TREM1: variants seen among roughly 807,000 people sequenced by gnomAD.
TREM1 encodes the protein triggering receptor expressed on monocytes 1.
TREM1 carries 16 observed loss-of-function variants against 22.4 expected under a neutral mutation model. The observed-to-expected ratio is 0.71, with a 90% CI of 0.48 to 1.08. The LOEUF is 1.08. Ranked by LOEUF, TREM1 falls within the 50% of genes least tolerant of loss-of-function variation. The probability of loss-of-function intolerance (pLI) is 0.00; values close to 1 mark genes in which losing one functional copy is unlikely to be tolerated. For missense variants in TREM1, 283 were observed against 282.9 expected (o/e 1.00, Z 0.00); for synonymous variants, 110 against 111.6 (o/e 0.99, Z 0.09).
chr6:41,284,424 C>T (rs180759964), intron 1 of TREM1, among the ~76,000 whole-genome samples: 1 of 152,130 alleles, frequency 6.6e-6, no homozygotes, highest in African/African-American at 2.4e-5. Context: ...ATTGGGGATG[C>T]TCATCTGGCC....
At position 41,281,116 on chromosome 6, in the gene TREM1, G is replaced by A. The variant is rs1474911461; in HGVS notation, c.444C>T (p.Thr148=). 6.2e-7 allele frequency: 1 copy of A among 1,614,112 alleles called. No homozygotes were observed. Among genetic ancestry groups the A allele is most frequent in the Non-Finnish European group, 8.5e-7 (1 of 1,179,990 alleles). Residue 148 remains threonine (T), a synonymous_variant, in exon 3 of 4, where the codon ACC becomes ACT. Transcript: ENST00000244709. Reference sequence around the variant, plus strand: ...TAGGAGGAATCTTATACACATTCTGGGTAGAATTCTCATTGGAGCCAGGGG... The same window carrying A: ...TAGGAGGAATCTTATACACATTCTGAGTAGAATTCTCATTGGAGCCAGGGG... ...SGTPGSNENS[T]QNVYKIPPTT... is the part of the protein sequence containing the mutation.
chr6:41,286,607 C>G lies in TREM1; in HGVS notation c.49G>C (p.Glu17Gln). The change falls in exon 1 of 4, where the codon GAA (glutamate) becomes CAA (glutamine). Residue 17 changes from glutamate (E) to glutamine (Q), a missense_variant and splice_region_variant. Transcript: ENST00000244709. ...WGLLWMLFVSELRAATKLTEE... is the reference protein window; with the variant it reads ...WGLLWMLFVSQLRAATKLTEE... ...TGCTCAGTCCTCTTCCTTGTCTTACCTGAGACAAAGAGCATCCACAGCAGC... is the reference window on the plus strand; with the variant it reads ...TGCTCAGTCCTCTTCCTTGTCTTACGTGAGACAAAGAGCATCCACAGCAGC... The G allele has an allele frequency of 6.2e-7, 1 of 1,614,024 alleles. No homozygotes were observed. The highest frequency in any genetic ancestry group is 1.3e-5 in the African/African-American group (1 of 75,032).
chr6:41,281,420 A>G, intron 2 of TREM1: 1 of 447,014 alleles, frequency 2.2e-6, no homozygotes, highest in Non-Finnish European at 4.0e-6. Flanking sequence ...AGTGAGGGAG[A>G]GCAGAAAGAG....
rs374759796 is a variant in TREM1, at chr6:41,282,620, C to T, written c.181G>A (p.Gly61Arg). Residue 61 changes from glycine (G) to arginine (R), a missense_variant, in exon 2 of 4, where the codon GGA (glycine) becomes AGA (arginine). Gly to Arg is a moderately radical substitution (Grantham distance 125). Transcript: ENST00000244709. The stretch of plus-strand genomic sequence containing the variant: ...CATGCCAGGGTCTTGGGCATCTCTC[C>T]GTCCCTTATTATCTGCCAAGCTTTC... ...SQKAWQIIRD[G>R]EMPKTLACTE... 70 of 1,614,052 alleles carry T rather than the reference C, an allele frequency of 4.3e-5. No homozygotes were observed. Among genetic ancestry groups the T allele is most frequent in the African/African-American group, 2.8e-4 (21 of 74,910 alleles).
At chr6:41,276,910 G>A (rs545091499) in intron 3 of TREM1, among the ~76,000 whole-genome samples, 1 of 152,254 alleles carries the variant, frequency 6.6e-6, no homozygotes, top group South Asian at 2.1e-4. Context: ...GCCGGACGTG[G>A]TAGCATGCAC....
Position 41,274,270 on chromosome 6 carries a change from T to C in TREM1, c.*1855A>G, listed in dbSNP as rs1342581572. ...GAGGGAGCTGTATACTAGTATACAG[T>C]AGGTCTGCAGGGGCCCTGGACTCAT... On this transcript the variant is annotated 3_prime_UTR_variant, in exon 4 of 4. Transcript: ENST00000244709. Among the ~76,000 whole-genome samples the C allele has an allele frequency of 6.6e-6, 1 of 152,104 alleles. No homozygotes were observed. The highest frequency in any genetic ancestry group is 1.5e-5 in the Non-Finnish European group (1 of 68,018).
downstream of TREM1, among the ~76,000 whole-genome samples, chr6:41,273,327 C>A (rs1767541216): frequency 6.6e-6 from 1 of 152,144 alleles, no homozygotes; most frequent in African/African-American, 2.4e-5. Flanking sequence ...TTACTGATAT[C>A]CCCCTAGAAT....
chr6:41,280,130 G>A (rs1171590046), intron 3 of TREM1: 1 of 932,912 alleles, frequency 1.1e-6, no homozygotes, highest in Non-Finnish European at 1.3e-6. Context: ...ATTAAAATAT[G>A]TATAAACATG....
rs147689646 is a variant in TREM1 at position 41,283,135 on chromosome 6, A to G, written c.50-384T>C. Among the ~76,000 whole-genome samples the G allele has an allele frequency of 1.7e-3, 261 of 152,310 alleles. 1 individual carries two copies. The highest frequency in any genetic ancestry group is 2.8e-3 in the Non-Finnish European group (189 of 68,030). On this transcript the variant is annotated intron_variant, in intron 1 of 3. Transcript: ENST00000244709. ...CAAGGGCGTATGACATAAAAAGTGA[A>G]CGCAAAGACACGGTGCTAGCAGAGA...
chr6:41,285,528 T>G (rs1003684990), intron 1 of TREM1, among the ~76,000 whole-genome samples: 4 of 152,328 alleles, frequency 2.6e-5, no homozygotes, highest in South Asian at 2.1e-4. Flanking sequence ...CAACACAGTC[T>G]GATAGGGATT....
At chr6:41,280,811 C>A in intron 3 of TREM1, 150 bp downstream of exon 3, 1 of 1,491,956 alleles carries the variant, frequency 6.7e-7, no homozygotes, top group South Asian at 1.4e-5. Context: ...TTCCTTCTTC[C>A]CCTGGACATT....
At position 41,280,961 on chromosome 6, in the gene TREM1, CTGA is replaced by C; in HGVS notation, c.596_598del (p.Ile199del). 1 of 1,614,210 alleles carries C rather than the reference CTGA, an allele frequency of 6.2e-7. No individual in the cohort carries two copies. Among genetic ancestry groups the C allele is most frequent in the Non-Finnish European group, 8.5e-7 (1 of 1,180,044 alleles). ...GGGCCCAGGGACCTGGAAACTATAC[CTGA>C]TGATATCTGTCACATTTGTAAGGTT... On this transcript the variant is annotated inframe_deletion and splice_region_variant, in exon 3 of 4. Transcript: ENST00000244709.
chr6:41,280,982 G>A lies in TREM1; in HGVS notation c.578C>T (p.Thr193Ile), dbSNP rs759828743. Residue 193 changes from threonine to isoleucine, a missense_variant, in exon 3 of 4, where the codon ACA becomes ATA. Physicochemically the swap from Thr to Ile is moderately conservative, Grantham distance 89. Transcript: ENST00000244709. ...VSTPDSEINLTNVTDIIRVPV... is the reference protein window; with the variant it reads ...VSTPDSEINLINVTDIIRVPV... The stretch of plus-strand genomic sequence containing the variant: ...ATACCTGATGATATCTGTCACATTT[G>A]TAAGGTTGATTTCAGAGTCAGGAGT... 6.2e-7 allele frequency: 1 copy of A among 1,614,226 alleles called. No homozygotes were observed. The highest frequency in any genetic ancestry group is 8.5e-7 in the Non-Finnish European group (1 of 1,180,040).
At chr6:41,280,378 A>G in intron 3 of TREM1, 1 of 988,482 alleles carries the variant, frequency 1.0e-6, no homozygotes. Context: ...ATCTGCAAAA[A>G]TTCTGATTCT....
chr6:41,282,362 C>A (rs765002904), intron 2 of TREM1, 33 bp downstream of exon 2: 2 of 1,540,496 alleles, frequency 1.3e-6, no homozygotes, highest in Non-Finnish European at 1.8e-6. Flanking sequence ...CCTCACCTGG[C>A]CCTTCTTTCC....
Position 41,276,058 on chromosome 6 carries a change from C to T in TREM1, c.*67G>A, listed in dbSNP as rs961118798. On this transcript the variant is annotated 3_prime_UTR_variant, in exon 4 of 4. Coordinates refer to ENST00000244709, the MANE Select transcript of TREM1 (RefSeq NM_018643.5). Reference sequence around the variant, plus strand: ...CTCCCTGCCTTTTACCTCCTCCCTCCTCCCTTGGCACAACTGCCAGATGGA... The same window carrying T: ...CTCCCTGCCTTTTACCTCCTCCCTCTTCCCTTGGCACAACTGCCAGATGGA... 16 of 1,230,066 alleles carry T rather than the reference C, an allele frequency of 1.3e-5. No homozygotes were observed. Among genetic ancestry groups the T allele is most frequent in the Non-Finnish European group, 1.6e-5 (13 of 830,902 alleles). 76.2% of individuals were successfully genotyped at this position (1,230,066 alleles called of 1,614,324 possible). A position where few individuals can be genotyped will look rare whatever the true frequency, so the allele number is the denominator to read the frequency against.
intron 3 of TREM1, among the ~76,000 whole-genome samples, chr6:41,277,823 G>A (rs1473225261): frequency 4.0e-5 from 6 of 151,850 alleles, no homozygotes; most frequent in Non-Finnish European, 8.8e-5. Context: ...GTTATGACAC[G>A]CTTGCTTGGC....
intron 3 of TREM1, chr6:41,280,558 C>T: frequency 8.8e-7 from 1 of 1,138,702 alleles, no homozygotes; most frequent in Admixed American, 4.4e-5. Context: ...AAGCTAAAGC[C>T]AGAGAGGGTT....
At chr6:41,285,192 T>C (rs1196415245) in intron 1 of TREM1, among the ~76,000 whole-genome samples, 1 of 152,212 alleles carries the variant, frequency 6.6e-6, no homozygotes, top group Non-Finnish European at 1.5e-5. Context: ...TGCCTGTCTC[T>C]CACAGAAGGA....
Sources: allele counts gnomAD v4.1 joint callset (sites outside exome capture counted in the v4.1 genomes callset), GRCh38; gene constraint gnomAD v4.1.1; transcripts MANE v1.5; gene names NCBI Gene and HGNC (gene_info 2026-07-23, HGNC 2026-07-21).